Variants in COL4A5 observed in about 807,000 individuals in gnomAD.
The protein encoded by COL4A5 is collagen alpha-5(IV) chain.
A neutral mutation model predicts 130.2 loss-of-function variants in COL4A5; 26 were observed. The ratio of observed to expected loss-of-function variants is 0.20; its 90% CI spans 0.15 to 0.28. The LOEUF (loss-of-function observed/expected upper bound fraction) is 0.28, where lower values mean the gene tolerates loss of function less well. Among genes scored for constraint, COL4A5 ranks in the 10% least tolerant of loss-of-function variants. COL4A5 has a pLI of 1.00. For synonymous variants in COL4A5, 496 were observed against 439.6 expected (o/e 1.13, Z -1.60); for missense variants, 1,131 against 1,344.3 (o/e 0.84, Z 2.48).
intron 1 of COL4A5, among the ~76,000 whole-genome samples, chrX:108,526,671 C>CTCTTTCTTTCTCTT (rs2065326436): frequency 2.4e-5 from 1 of 41,890 alleles, no homozygotes; most frequent in Non-Finnish European, 4.1e-5. Flanking sequence ...TTCTTTCTTT[C>CTCTTTCTTTCTCTT]TCTTTCTTTC....
At chrX:108,681,710 T>A (rs1053463622) in intron 46 of COL4A5, 50 bp from the exon 47 acceptor site, 1 of 1,205,096 alleles carries the variant, frequency 8.3e-7, no homozygotes, top group African/African-American at 1.8e-5. Context: ...TGGCTTCCAT[T>A]TCTTGTAACC....
chrX:108,577,320 C>T (rs1159043316), intron 10 of COL4A5, among the ~76,000 whole-genome samples: 1 of 98,398 alleles, frequency 1.0e-5, no homozygotes, highest in Non-Finnish European at 2.0e-5. Context: ...TGTGGTGAGC[C>T]GAGATCGTTC....
chrX:108,593,657 G>T (rs1282567078), intron 21 of COL4A5, among the ~76,000 whole-genome samples: 1 of 111,145 alleles, frequency 9.0e-6, no homozygotes, highest in African/African-American at 3.3e-5. Flanking sequence ...CAGTACTATA[G>T]AACAAAAGAT....
At chrX:108,583,729 C>T (rs2066287127) in intron 17 of COL4A5, among the ~76,000 whole-genome samples, 1 of 110,903 alleles carries the variant, frequency 9.0e-6, no homozygotes, top group Non-Finnish European at 1.9e-5. Flanking sequence ...GATTTTTTGT[C>T]AAATAGTATT....
chrX:108,682,334 G>C (rs2068449640), intron 47 of COL4A5, among the ~76,000 whole-genome samples: 1 of 111,818 alleles, frequency 8.9e-6, no homozygotes. Context: ...TTGCTATTGT[G>C]AACAGTGCTG....
At chrX:108,673,010 T>A (rs962390638) in intron 42 of COL4A5, among the ~76,000 whole-genome samples, 3 of 112,172 alleles carry the variant, frequency 2.7e-5, no homozygotes, top group Non-Finnish European at 3.8e-5. Flanking sequence ...GCTTTGAAAG[T>A]TTTATTAGGA....
chrX:108,541,344 G>C (rs946066412), intron 2 of COL4A5, among the ~76,000 whole-genome samples: 1 of 112,071 alleles, frequency 8.9e-6, no homozygotes, highest in South Asian at 3.7e-4. Context: ...TTTGAGATAA[G>C]AATGGAATAC....
rs764116323 is a variant in COL4A5, at chrX:108,686,138, A to T, written c.4315+9A>T. On this transcript the variant is annotated intron_variant, in intron 48 of 52. Transcript: ENST00000328300. ...TCTGCCAGGACAGCCAGGTAAGACA[A>T]GTAAAACATGCTGTTGGTGGAGGGA... The T allele has an allele frequency of 1.1e-5, 13 of 1,186,535 alleles. No homozygotes were observed. The East Asian group carries it at 3.3e-4, about 30-fold the overall frequency.
intron 16 of COL4A5, 70 bp downstream of exon 16, chrX:108,581,097 A>G: frequency 1.1e-6 from 1 of 942,018 alleles, no homozygotes; most frequent in Non-Finnish European, 1.5e-6. Context: ...ATAAGGTGGC[A>G]GAGAAGCAGT....
intron 1 of COL4A5, among the ~76,000 whole-genome samples, chrX:108,536,010 A>G (rs775400046): frequency 7.2e-5 from 8 of 111,351 alleles, no homozygotes; most frequent in Non-Finnish European, 1.3e-4. Context: ...AGATTCTGCT[A>G]TTCAACTTCA....
intron 36 of COL4A5, among the ~76,000 whole-genome samples, chrX:108,647,901 T>C (rs1051538480): frequency 4.5e-5 from 5 of 111,931 alleles, no homozygotes; most frequent in African/African-American, 1.6e-4. Flanking sequence ...TTGCGAATGT[T>C]GAACCAGCCT....
chrX:108,586,823 T>C, intron 19 of COL4A5, 76 bp downstream of exon 19: 2 of 1,078,578 alleles, frequency 1.9e-6, no homozygotes, highest in Admixed American at 4.4e-5. Context: ...TCACATTAGT[T>C]CCATGGTCAG....
chrX:108,664,020 A>T (rs772562400), intron 37 of COL4A5, among the ~76,000 whole-genome samples: 2 of 111,531 alleles, frequency 1.8e-5, no homozygotes, highest in Non-Finnish European at 3.8e-5. Context: ...CCCTGTCTCT[A>T]CTAAAATTAC....
intron 31 of COL4A5, among the ~76,000 whole-genome samples, chrX:108,621,237 C>T (rs185179333): frequency 4.5e-3 from 483 of 106,810 alleles, no homozygotes; most frequent in Non-Finnish European, 8.0e-3. Flanking sequence ...CCACTGCAGC[C>T]TCAAACCCCT....
chrX:108,530,843 A>G (rs2147632701), intron 1 of COL4A5, among the ~76,000 whole-genome samples: 1 of 108,817 alleles, frequency 9.2e-6, no homozygotes, highest in East Asian at 2.9e-4. Context: ...CGACCCAGCC[A>G]TCATCCCATT....
intron 36 of COL4A5, among the ~76,000 whole-genome samples, chrX:108,652,121 A>G (rs1026715344): frequency 1.8e-5 from 2 of 111,943 alleles, no homozygotes; most frequent in African/African-American, 6.5e-5. Flanking sequence ...AAGAACATGA[A>G]GAAATTTTTG....
At chrX:108,631,518 C>T (rs773883924) in intron 36 of COL4A5, among the ~76,000 whole-genome samples, 5 of 111,113 alleles carry the variant, frequency 4.5e-5, no homozygotes, top group Non-Finnish European at 9.4e-5. Context: ...CCCCAATCAA[C>T]AGAATATACA....
intron 1 of COL4A5, among the ~76,000 whole-genome samples, chrX:108,536,284 C>T (rs969905568): frequency 9.2e-5 from 10 of 109,192 alleles, no homozygotes; most frequent in African/African-American, 2.0e-4. Flanking sequence ...TGTGTGTGCA[C>T]GTGCTTGCAT....
At chrX:108,503,072 T>G (rs1291711137) in intron 1 of COL4A5, among the ~76,000 whole-genome samples, 3 of 111,750 alleles carry the variant, frequency 2.7e-5, no homozygotes, top group Non-Finnish European at 5.6e-5. Context: ...AGGTGCAGTT[T>G]AACATTTTTT....
Sources: gnomAD v4.1 joint callset for allele counts (sites outside exome capture counted in the v4.1 genomes callset) on GRCh38, gnomAD v4.1.1 for gene constraint, MANE v1.5 for transcripts, NCBI Gene and HGNC (gene_info 2026-07-23, HGNC 2026-07-21) for gene names.